Variants in ADAMTS3 observed in about 807,000 individuals in gnomAD.
ADAMTS3 encodes the protein ADAM metallopeptidase with thrombospondin type 1 motif 3.
ADAMTS3 carries 73 observed loss-of-function variants against 129.0 expected under a neutral mutation model. That is an observed-to-expected ratio of 0.57 (90% CI 0.47 to 0.69). ADAMTS3 has a LOEUF of 0.69. Ranked by LOEUF, ADAMTS3 falls within the 30% of genes least tolerant of loss-of-function variation. The probability of loss-of-function intolerance (pLI) is 0.00; values close to 1 mark genes in which losing one functional copy is unlikely to be tolerated. For synonymous variants in ADAMTS3, 477 were observed against 510.8 expected, an observed-to-expected ratio of 0.93 and a Z score of 0.89; for missense variants, 1,457 against 1,514.5, an observed-to-expected ratio of 0.96 and a Z score of 0.63.
chr4:72,302,265 G>C (rs1450528290), intron 17 of ADAMTS3, among the ~76,000 whole-genome samples: 1 of 150,062 alleles, frequency 6.7e-6, no homozygotes, highest in African/African-American at 2.5e-5. Flanking sequence ...TAGATGTAAT[G>C]AGTGAACATT....
At position 72,552,880 on chromosome 4, in the gene ADAMTS3, CATCT is replaced by C. The variant is rs1200155280; in HGVS notation, c.98-4000_98-3997del. 3.3e-5 allele frequency among the ~76,000 whole-genome samples: 5 copies of C among 152,248 alleles called. No homozygotes were observed. The East Asian group carries it at 7.7e-4, about 24-fold the overall frequency. ...TACCTTTCGCCATAAATCCTGTCAC[CATCT>C]GACATCCTATAAATTTTACTTATGT... On this transcript the variant is annotated intron_variant, in intron 2 of 21. Coordinates refer to ENST00000286657, the MANE Select transcript of ADAMTS3 (RefSeq NM_014243.3).
At position 72,298,327 on chromosome 4, in the gene ADAMTS3, A is replaced by G. The variant is rs1339706213; in HGVS notation, c.2540T>C (p.Phe847Ser). 6.8e-6 allele frequency: 11 copies of G among 1,613,068 alleles called. No homozygotes were observed. The highest frequency in any genetic ancestry group is 1.7e-6 in the Non-Finnish European group (2 of 1,179,364). Reference sequence around the variant, plus strand: ...AGACCAGCTCTTCAAAGCCCACTCAAAAGTATCTAATTCTTCCTGGATGAC... The same window carrying G: ...AGACCAGCTCTTCAAAGCCCACTCAGAAGTATCTAATTCTTCCTGGATGAC... ...NNVIQEELDT[F>S]EWALKSWSQC... The change falls in exon 18 of 22, where the codon TTT becomes TCT. Residue 847 changes from phenylalanine (F) to serine (S), a missense_variant. Transcript: ENST00000286657.
intron 4 of ADAMTS3, among the ~76,000 whole-genome samples, chr4:72,348,977 A>T (rs542283468): frequency 6.6e-6 from 1 of 152,052 alleles, no homozygotes; most frequent in East Asian, 1.9e-4. Flanking sequence ...TTAAGCAAAG[A>T]ACCAGTCCAG....
chr4:72,545,025 GTTTAA>G (rs1321522889), intron 3 of ADAMTS3, among the ~76,000 whole-genome samples: 8 of 151,960 alleles, frequency 5.3e-5, no homozygotes, highest in East Asian at 1.9e-4. Flanking sequence ...AACATGAATG[GTTTAA>G]TTTAACTACA....
At chr4:72,485,937 C>T (rs1359262306) in intron 3 of ADAMTS3, among the ~76,000 whole-genome samples, 1 of 152,202 alleles carries the variant, frequency 6.6e-6, no homozygotes, top group African/African-American at 2.4e-5. Context: ...GAAGCAGAGA[C>T]TGGGCCCTCA....
At chr4:72,562,787 A>G (rs1247199370) in intron 2 of ADAMTS3, among the ~76,000 whole-genome samples, 1 of 152,204 alleles carries the variant, frequency 6.6e-6, no homozygotes, top group Non-Finnish European at 1.5e-5. Flanking sequence ...ACAACTTATA[A>G]TAATAGAAGT....
intron 4 of ADAMTS3, among the ~76,000 whole-genome samples, chr4:72,369,547 G>A (rs1402412794): frequency 6.6e-6 from 1 of 151,762 alleles, no homozygotes; most frequent in Non-Finnish European, 1.5e-5. Flanking sequence ...CTCACCTCTA[G>A]TAAAAATACA....
At chr4:72,517,297 CT>C (rs1243562023) in intron 3 of ADAMTS3, among the ~76,000 whole-genome samples, 5 of 152,076 alleles carry the variant, frequency 3.3e-5, no homozygotes, top group Non-Finnish European at 5.9e-5. Context: ...CTAAAATTCT[CT>C]TTTTTGGTTG....
chr4:72,400,366 T>C (rs1721880942), intron 4 of ADAMTS3, among the ~76,000 whole-genome samples: 1 of 145,142 alleles, frequency 6.9e-6, no homozygotes, highest in Non-Finnish European at 1.5e-5. Flanking sequence ...TGCATAGATA[T>C]GCACACGGTG....
chr4:72,490,341 C>T (rs1719707756), intron 3 of ADAMTS3, among the ~76,000 whole-genome samples: 1 of 151,854 alleles, frequency 6.6e-6, no homozygotes, highest in African/African-American at 2.4e-5. Context: ...TATGCAAATG[C>T]TTTTCACTTT....
chr4:72,438,961 T>C (rs1718040413), intron 3 of ADAMTS3, among the ~76,000 whole-genome samples: 1 of 151,760 alleles, frequency 6.6e-6, no homozygotes, highest in Admixed American at 6.6e-5. Flanking sequence ...ATATCCACTA[T>C]TACTGGCTAC....
intron 4 of ADAMTS3, among the ~76,000 whole-genome samples, chr4:72,343,184 T>C (rs1044916505): frequency 3.3e-5 from 5 of 152,152 alleles, no homozygotes; most frequent in African/African-American, 1.2e-4. Flanking sequence ...ATTATTCAAA[T>C]GGGCTTTCCA....
chr4:72,385,259 A>G (rs2109884628), intron 4 of ADAMTS3, among the ~76,000 whole-genome samples: 1 of 152,248 alleles, frequency 6.6e-6, no homozygotes, highest in South Asian at 2.1e-4. Flanking sequence ...ATGAATTGGT[A>G]CAATATTAAC....
rs901644962 is a variant in ADAMTS3, at chr4:72,500,075, T to C, written c.504+48403A>G. Among the ~76,000 whole-genome samples, 15 of 152,326 alleles carry C rather than the reference T, an allele frequency of 9.8e-5. No homozygotes were observed. In the East Asian group the frequency reaches 2.1e-3, roughly 22 times the overall value. On this transcript the variant is annotated intron_variant, in intron 3 of 21. Transcript: ENST00000286657. Reference sequence around the variant, plus strand: ...ATGTCTTTGTTATTGTGAACAGTGCTGTAATGAACATACAAGTGCATGTGT... The same window carrying C: ...ATGTCTTTGTTATTGTGAACAGTGCCGTAATGAACATACAAGTGCATGTGT...
In ADAMTS3 at chr4:72,320,922, C is replaced by T. The variant is rs755822439; in HGVS notation, c.946-52G>A. ...ACACCTGACAATTTCCCAAAGGCTT[C>T]GTTTGATAATTTCCTCTGAAGCTGA... is the stretch of plus-strand genomic sequence containing the variant. On this transcript the variant is annotated intron_variant, in intron 6 of 21. Transcript: ENST00000286657. 16 of 1,546,672 alleles carry T rather than the reference C, an allele frequency of 1.0e-5. No homozygotes were observed. In the South Asian group the frequency reaches 1.1e-4, roughly 11 times the overall value.
intron 3 of ADAMTS3, among the ~76,000 whole-genome samples, chr4:72,451,090 C>A (rs1718392007): frequency 6.6e-6 from 1 of 151,692 alleles, no homozygotes; most frequent in East Asian, 2.0e-4. Flanking sequence ...AAACAGACTG[C>A]AGACAAGTAA....
chr4:72,324,772 C>T (rs1346291718), intron 5 of ADAMTS3, among the ~76,000 whole-genome samples: 1 of 152,146 alleles, frequency 6.6e-6, no homozygotes, highest in East Asian at 1.9e-4. Flanking sequence ...TTTTTCTGGG[C>T]TGTCTTATGA....
chr4:72,506,171 G>A (rs1578742563), intron 3 of ADAMTS3, among the ~76,000 whole-genome samples: 1 of 152,142 alleles, frequency 6.6e-6, no homozygotes, highest in Non-Finnish European at 1.5e-5. Context: ...ACTGCACTAC[G>A]ATCTATGCAC....
At chr4:72,319,308 C>A in intron 9 of ADAMTS3, 24 bp downstream of exon 9, 1 of 1,612,882 alleles carries the variant, frequency 6.2e-7, no homozygotes, top group South Asian at 1.1e-5. Context: ...TAAATACTTT[C>A]ATGACATGCA....
Sources: gnomAD v4.1 joint callset for allele counts (sites outside exome capture counted in the v4.1 genomes callset) on GRCh38, gnomAD v4.1.1 for gene constraint, MANE v1.5 for transcripts, NCBI Gene and HGNC (gene_info 2026-07-23, HGNC 2026-07-21) for gene names.